PAX2: variants seen among roughly 807,000 people sequenced by gnomAD.
The protein encoded by PAX2 is paired box protein Pax-2.
Under a neutral mutation model 41.7 loss-of-function variants are expected in PAX2, and 9 were observed. The ratio of observed to expected loss-of-function variants is 0.22; its 90% CI spans 0.13 to 0.38. The LOEUF (loss-of-function observed/expected upper bound fraction) is 0.38, where lower values mean the gene tolerates loss of function less well. PAX2 is among the 10% of genes least tolerant of loss of function. The pLI is 1.00. For missense variants in PAX2, 418 were observed against 531.6 expected (o/e 0.79, Z 2.10); for synonymous variants, 221 against 212.7 (o/e 1.04, Z -0.34).
chr10:100,786,512 A>G (rs1466855229), intron 5 of PAX2, among the ~76,000 whole-genome samples: 3 of 152,168 alleles, frequency 2.0e-5, no homozygotes, highest in Non-Finnish European at 4.4e-5. Context: ...TGCAAGTGTG[A>G]GTATGCATGT....
chr10:100,823,725 A>G (rs1327788569), intron 7 of PAX2, among the ~76,000 whole-genome samples: 2 of 152,082 alleles, frequency 1.3e-5, no homozygotes, highest in Non-Finnish European at 2.9e-5. Context: ...ATTATTAGAG[A>G]TCAGAGCATG....
intron 5 of PAX2, among the ~76,000 whole-genome samples, chr10:100,786,596 G>C (rs932992743): frequency 6.6e-6 from 1 of 152,202 alleles, no homozygotes; most frequent in Non-Finnish European, 1.5e-5. Context: ...CAGTTACCTG[G>C]GTAGTGTGCG....
At chr10:100,756,159 G>T (rs909042296) in intron 3 of PAX2, among the ~76,000 whole-genome samples, 1 of 152,142 alleles carries the variant, frequency 6.6e-6, no homozygotes, top group Non-Finnish European at 1.5e-5. Context: ...AACTGGTGTG[G>T]AAGATTAATC....
At chr10:100,743,402 A>G (rs554239713), upstream of PAX2, among the ~76,000 whole-genome samples, 30 of 149,816 alleles carry the variant, frequency 2.0e-4, no homozygotes, top group East Asian at 5.6e-3. Context: ...AGCTGGTTCT[A>G]GAAAAATCTG....
Position 100,749,897 on chromosome 10 carries a change from C to G in PAX2, c.195C>G (p.Val65=), listed in dbSNP as rs1845371308. The change falls in exon 2 of 10, where the codon GTC becomes GTG. Residue 65 remains valine (V), a synonymous_variant. Coordinates refer to ENST00000355243, the MANE Select transcript of PAX2 (RefSeq NM_000278.5). ...SRQLRVSHGC[V]SKILGRYYET... is the part of the protein sequence containing the mutation. ...AGCTGCGGGTCAGCCACGGCTGTGT[C>G]AGCAAAATCCTGGGCAGGTGAGGGC... 6.2e-7 allele frequency: 1 copy of G among 1,612,484 alleles called. No homozygotes were observed. The highest frequency in any genetic ancestry group is 8.5e-7 in the Non-Finnish European group (1 of 1,179,892).
Position 100,827,565 on chromosome 10 carries a change from C to T in PAX2, c.1131C>T (p.Ala377=). 6.2e-7 allele frequency: 1 copy of T among 1,613,918 alleles called. No individual in the cohort carries two copies. ...ALLSSPYYYS[A]APRGSAPAAA... Reference sequence around the variant, plus strand: ...CAGGTTCCCCTTATTATTATAGTGCCGCCCCCCGGGGCTCCGCCCCTGCCG... The same window carrying T: ...CAGGTTCCCCTTATTATTATAGTGCTGCCCCCCGGGGCTCCGCCCCTGCCG... The change falls in exon 10 of 10, where the codon GCC becomes GCT. Residue 377 remains alanine (A), a synonymous_variant. Transcript: ENST00000355243. This position sits in a 1 kb window ranked among gnomAD's most constrained non-coding sequence, Gnocchi z 8.5.
chr10:100,785,876 G>A (rs1846832449), intron 5 of PAX2, among the ~76,000 whole-genome samples: 1 of 152,132 alleles, frequency 6.6e-6, no homozygotes, highest in Admixed American at 6.5e-5. Flanking sequence ...GAATCCTGGT[G>A]CCCCTCACTA....
intron 1 of PAX2, among the ~76,000 whole-genome samples, chr10:100,737,662 C>T (rs1375128779): frequency 6.6e-6 from 1 of 152,210 alleles, no homozygotes; most frequent in Admixed American, 6.5e-5. Context: ...CGCCTTCTCC[C>T]TTTGCCTCTT....
At position 100,746,141 on chromosome 10, in the gene PAX2, C is replaced by A. The variant is rs1845160511; in HGVS notation, c.-120C>A. On this transcript the variant is annotated 5_prime_UTR_variant, in exon 1 of 10. Coordinates refer to ENST00000355243, the MANE Select transcript of PAX2 (RefSeq NM_000278.5). ...CCGCCCCCGCGCGCCCCGCAGCAGCCGGGCGTTCACTCATCCTCCCTCCCC... is the reference window on the plus strand; with the variant it reads ...CCGCCCCCGCGCGCCCCGCAGCAGCAGGGCGTTCACTCATCCTCCCTCCCC... The A allele has an allele frequency of 1.9e-6, 3 of 1,581,720 alleles. No individual in the cohort carries two copies. The highest frequency in any genetic ancestry group is 2.2e-5 in the East Asian group (1 of 44,570).
intron 3 of PAX2, among the ~76,000 whole-genome samples, chr10:100,772,496 C>A (rs1371493126): frequency 2.6e-5 from 4 of 152,188 alleles, no homozygotes; most frequent in Non-Finnish European, 5.9e-5. Flanking sequence ...GTTTATAATG[C>A]CCAGGCAGTC....
At chr10:100,823,846 G>A (rs995267160) in intron 7 of PAX2, among the ~76,000 whole-genome samples, 2 of 152,138 alleles carry the variant, frequency 1.3e-5, no homozygotes, top group Non-Finnish European at 2.9e-5. Flanking sequence ...GTGGACCAGG[G>A]GTAGCACCCT....
At chr10:100,779,613 C>T (rs746022143) in intron 4 of PAX2, 30 bp downstream of exon 4, 1 of 1,497,464 alleles carries the variant, frequency 6.7e-7, no homozygotes, top group Non-Finnish European at 9.1e-7. Flanking sequence ...GGGAGGAAAC[C>T]AGATCCCACC....
chr10:100,770,501 C>G (rs1366247008), intron 3 of PAX2, among the ~76,000 whole-genome samples: 1 of 152,202 alleles, frequency 6.6e-6, no homozygotes, highest in Non-Finnish European at 1.5e-5. Context: ...AATTTTTAAA[C>G]CTATGCATAT....
chr10:100,766,378 G>T (rs1180235840), intron 3 of PAX2, among the ~76,000 whole-genome samples: 1 of 152,222 alleles, frequency 6.6e-6, no homozygotes, highest in Non-Finnish European at 1.5e-5. Flanking sequence ...ATCATCTAGA[G>T]ATACTGGGAA....
intron 6 of PAX2, among the ~76,000 whole-genome samples, chr10:100,807,839 C>T (rs565482450): frequency 1.3e-5 from 2 of 152,376 alleles, no homozygotes; most frequent in East Asian, 1.9e-4. Flanking sequence ...CAGCGTTGAA[C>T]GCTGTAGTTC....
chr10:100,807,642 C>T (rs541301328), intron 6 of PAX2, among the ~76,000 whole-genome samples: 14 of 152,220 alleles, frequency 9.2e-5, no homozygotes, highest in Non-Finnish European at 2.1e-4. Flanking sequence ...CAGCATACCC[C>T]TAGCATATGC....
chr10:100,827,089 T>TTAC lies in PAX2; in HGVS notation c.1105_1107dup (p.Leu369dup), dbSNP rs1284173617. The TTAC allele has an allele frequency of 6.2e-7, 1 of 1,611,812 alleles. No individual in the cohort carries two copies. The highest frequency in any genetic ancestry group is 8.5e-7 in the Non-Finnish European group (1 of 1,178,002). The stretch of plus-strand genomic sequence containing the variant: ...GGCTTGGAGATTCAGCAACCCCGCC[T>TTAC]TACTAAGTGAGTACGCCACCTGGCT... On this transcript the variant is annotated inframe_insertion, in exon 9 of 10. Coordinates refer to ENST00000355243, the MANE Select transcript of PAX2 (RefSeq NM_000278.5). The surrounding 1 kb of genome is among the most constrained non-coding windows in gnomAD (Gnocchi z 8.5).
At chr10:100,797,712 A>T (rs1847388424) in intron 5 of PAX2, among the ~76,000 whole-genome samples, 1 of 152,210 alleles carries the variant, frequency 6.6e-6, no homozygotes, top group Non-Finnish European at 1.5e-5. Flanking sequence ...CAGAGAAAGG[A>T]GAAATTAATG....
At chr10:100,807,769 C>CATT (rs1847845977) in intron 6 of PAX2, among the ~76,000 whole-genome samples, 1 of 152,240 alleles carries the variant, frequency 6.6e-6, no homozygotes, top group Non-Finnish European at 1.5e-5. Flanking sequence ...CACAAGACAG[C>CATT]ATTGCTGTGC....
Sources: gnomAD v4.1 joint callset for allele counts (sites outside exome capture counted in the v4.1 genomes callset) on GRCh38, gnomAD v4.1.1 for gene constraint, Gnocchi (gnomAD v3.1) non-coding constraint, MANE v1.5 for transcripts, NCBI Gene and HGNC (gene_info 2026-07-23, HGNC 2026-07-21) for gene names.